WDR72: variants seen among roughly 807,000 people sequenced by gnomAD.
The protein encoded by WDR72 is WD repeat domain 72, also known as WD repeat-containing protein 72.
WDR72 carries 120 observed loss-of-function variants against 124.2 expected under a neutral mutation model. The ratio of observed to expected loss-of-function variants is 0.97; its 90% CI spans 0.83 to 1.12. The LOEUF is 1.12. Among genes scored for constraint, WDR72 ranks in the 50% most tolerant of loss-of-function variants. The pLI is 0.00. For synonymous variants in WDR72, 452 were observed against 441.7 expected (o/e 1.02, Z -0.29); for missense variants, 1,387 against 1,278.8 (o/e 1.08, Z -1.29).
At chr15:53,540,932 GACCGGCTTAAAA>G (rs1893079116) in intron 18 of WDR72, 1 of 156,532 alleles carries the variant, frequency 6.4e-6, no homozygotes, top group African/African-American at 2.4e-5. Flanking sequence ...GAGCTTTTCG[GACCGGCTTAAAA>G]AACGGCGCAC....
chr15:53,665,023 T>C (rs1035524773), intron 14 of WDR72, among the ~76,000 whole-genome samples: 1 of 152,110 alleles, frequency 6.6e-6, no homozygotes, highest in Non-Finnish European at 1.5e-5. Flanking sequence ...TATTTAGAAG[T>C]AAAAAACAAT....
At chr15:53,635,962 A>C (rs559525501) in intron 14 of WDR72, among the ~76,000 whole-genome samples, 1 of 152,206 alleles carries the variant, frequency 6.6e-6, no homozygotes, top group Non-Finnish European at 1.5e-5. Flanking sequence ...TTGTTTCTTA[A>C]GGAAAATAAC....
At chr15:53,655,259 A>AAAAAG (rs1489415634) in intron 14 of WDR72, among the ~76,000 whole-genome samples, 22 of 119,522 alleles carry the variant, frequency 1.8e-4, no homozygotes, top group Admixed American at 2.8e-4. Flanking sequence ...AAAAAAAAAA[A>AAAAAG]AGAGATCTTA....
intron 1 of WDR72, among the ~76,000 whole-genome samples, chr15:53,747,121 G>C (rs1184602521): frequency 6.6e-6 from 1 of 152,164 alleles, no homozygotes; most frequent in Admixed American, 6.5e-5. Context: ...TTCAGTCCAT[G>C]AGAACATACC....
Position 53,523,334 on chromosome 15 carries a change from GA to G in WDR72, c.3149-13del, listed in dbSNP as rs767639292. 5.1e-6 allele frequency: 7 copies of G among 1,383,018 alleles called. No individual in the cohort carries two copies. The South Asian group carries it at 8.3e-5, about 16-fold the overall frequency. The allele number at this position is 1,383,018 out of a possible 1,614,324, so 85.7% of individuals were successfully genotyped here. On this transcript the variant is annotated splice_polypyrimidine_tract_variant and intron_variant, in intron 18 of 19. Coordinates refer to ENST00000360509, the MANE Select transcript of WDR72 (RefSeq NM_182758.4). ...CGGGCTGACTGGAGCTATTAAAAGA[GA>G]GAGAGAGAGAGAGAGAGACAGAAGA...
chr15:53,530,234 T>C (rs950667616), intron 18 of WDR72, among the ~76,000 whole-genome samples: 5 of 151,292 alleles, frequency 3.3e-5, no homozygotes, highest in Non-Finnish European at 7.4e-5. Context: ...TACAATTTGG[T>C]AAAGAAGAGA....
chr15:53,566,425 C>G (rs1366479764), intron 18 of WDR72, among the ~76,000 whole-genome samples: 1 of 151,980 alleles, frequency 6.6e-6, no homozygotes, highest in Non-Finnish European at 1.5e-5. Context: ...AACAGATCAG[C>G]ATTATCCGTC....
intron 18 of WDR72, among the ~76,000 whole-genome samples, chr15:53,561,410 C>A (rs906009718): frequency 1.3e-5 from 2 of 151,642 alleles, no homozygotes; most frequent in Non-Finnish European, 2.9e-5. Flanking sequence ...CAAAATTTAA[C>A]ATAGTTTTAC....
chr15:53,664,271 C>A lies in WDR72; in HGVS notation c.1962+1301G>T, dbSNP rs556171896. ...CAGATTTGCTACAGTGAGAATGTAC[C>A]AAGCAATAACCAGAATGCCAATTAA... On this transcript the variant is annotated intron_variant, in intron 14 of 19. Transcript: ENST00000360509. Among the ~76,000 whole-genome samples, 19 of 152,218 alleles carry A rather than the reference C, an allele frequency of 1.2e-4. 1 individual carries two copies. In the South Asian group the frequency reaches 3.1e-3, roughly 25 times the overall value.
chr15:53,585,819 A>C (rs984331506), intron 18 of WDR72, among the ~76,000 whole-genome samples: 1 of 152,034 alleles, frequency 6.6e-6, no homozygotes, highest in African/African-American at 2.4e-5. Context: ...TATTAAAGGC[A>C]CTAACAACTG....
rs539908580 is a variant in WDR72 at position 53,630,784 on chromosome 15, C to T, written c.1963-14541G>A. 7.2e-5 allele frequency among the ~76,000 whole-genome samples: 11 copies of T among 152,212 alleles called. No individual in the cohort carries two copies. The South Asian group carries it at 1.2e-3, about 17-fold the overall frequency. On this transcript the variant is annotated intron_variant, in intron 14 of 19. Coordinates refer to ENST00000360509, the MANE Select transcript of WDR72 (RefSeq NM_182758.4). ...ATGGTGAAAAACCAAATGCTTTCCT[C>T]GTAAGGTCAGGAACAGGACAAGTAT... is the stretch of plus-strand genomic sequence containing the variant.
At chr15:53,737,367 T>C (rs1332018648) in intron 1 of WDR72, among the ~76,000 whole-genome samples, 5 of 152,182 alleles carry the variant, frequency 3.3e-5, no homozygotes, top group Admixed American at 3.3e-4. Flanking sequence ...GGATTAAACT[T>C]GCTAGTTAAA....
intron 18 of WDR72, among the ~76,000 whole-genome samples, chr15:53,535,126 A>T (rs1892693685): frequency 1.3e-5 from 2 of 152,200 alleles, no homozygotes; most frequent in African/African-American, 4.8e-5. Flanking sequence ...ATAGACTATG[A>T]TCTCTAAAAG....
chr15:53,615,580 C>T lies in WDR72; in HGVS notation c.2626G>A (p.Ala876Thr). 1 of 1,613,030 alleles carries T rather than the reference C, an allele frequency of 6.2e-7. No homozygotes were observed. Among genetic ancestry groups the T allele is most frequent in the Non-Finnish European group, 8.5e-7 (1 of 1,179,486 alleles). The change falls in exon 15 of 20, where the codon GCC (alanine) becomes ACC (threonine). Residue 876 changes from alanine to threonine, a missense_variant. Physicochemically the swap from Ala to Thr is moderately conservative, Grantham distance 58. Coordinates refer to ENST00000360509, the MANE Select transcript of WDR72 (RefSeq NM_182758.4). ...ATTCCAACCTGATTTGGAAGAGTGG[C>T]TGTGTATTTATCTGACAAGTCCAAA... ...KVLDLSDKYT[A>T]TLPNQVGIPR...
At chr15:53,539,646 GAA>G (rs796231959) in intron 18 of WDR72, among the ~76,000 whole-genome samples, 1 of 141,800 alleles carries the variant, frequency 7.1e-6, no homozygotes, top group Non-Finnish European at 1.5e-5. Context: ...TAAACATTAG[GAA>G]AAAAAAAAAC....
chr15:53,697,422 C>T (rs1341566163), intron 13 of WDR72, among the ~76,000 whole-genome samples: 1 of 152,296 alleles, frequency 6.6e-6, no homozygotes, highest in East Asian at 1.9e-4. Context: ...TATGTGAGTC[C>T]TCCATCTCTG....
intron 18 of WDR72, among the ~76,000 whole-genome samples, chr15:53,547,856 C>G (rs750747819): frequency 3.9e-5 from 6 of 151,930 alleles, no homozygotes; most frequent in Non-Finnish European, 8.8e-5. Context: ...AGGAAGAGGA[C>G]AAATTAATTC....
intron 1 of WDR72, among the ~76,000 whole-genome samples, chr15:53,738,018 A>G (rs905215579): frequency 6.6e-6 from 1 of 152,180 alleles, no homozygotes. Context: ...TAACATATGC[A>G]TAACACAAAA....
chr15:53,600,212 T>C (rs1358116209), intron 17 of WDR72, among the ~76,000 whole-genome samples: 2 of 152,322 alleles, frequency 1.3e-5, no homozygotes, highest in East Asian at 3.9e-4. Flanking sequence ...GTATAATTTA[T>C]TGACAGTTTA....
Sources: allele counts gnomAD v4.1 joint callset (sites outside exome capture counted in the v4.1 genomes callset), GRCh38; gene constraint gnomAD v4.1.1; transcripts MANE v1.5; gene names NCBI Gene and HGNC (gene_info 2026-07-23, HGNC 2026-07-21).